The following IFT74 variants were observed in gnomAD, a reference collection of about 807,000 sequenced individuals.
IFT74 encodes intraflagellar transport 74, also known as intraflagellar transport protein 74 homolog.
IFT74 carries 92 observed loss-of-function variants against 96.7 expected under a neutral mutation model. The ratio of observed to expected loss-of-function variants is 0.95; its 90% CI spans 0.80 to 1.13. The LOEUF (loss-of-function observed/expected upper bound fraction) is 1.13, where lower values mean the gene tolerates loss of function less well. Among genes scored for constraint, IFT74 ranks in the 50% most tolerant of loss-of-function variants. The probability of loss-of-function intolerance (pLI) is 0.00; values close to 1 mark genes in which losing one functional copy is unlikely to be tolerated. For synonymous variants in IFT74, 223 were observed against 213.2 expected, an observed-to-expected ratio of 1.05 and a Z score of -0.40; for missense variants, 811 against 698.2, an observed-to-expected ratio of 1.16 and a Z score of -1.82.
intron 13 of IFT74, among the ~76,000 whole-genome samples, chr9:27,029,852 A>T (rs959921222): frequency 8.5e-5 from 13 of 152,354 alleles, no homozygotes; most frequent in African/African-American, 3.1e-4. Flanking sequence ...ATACCACACA[A>T]ATAATCCAGA....
At chr9:26,995,549 T>C in intron 8 of IFT74, 1 of 1,576,590 alleles carries the variant, frequency 6.3e-7, no homozygotes, top group Non-Finnish European at 8.7e-7. Context: ...TTCATGGATA[T>C]CTATATATTT....
At chr9:27,035,234 A>AAGTATTTTCCCGTCAGTATTTCC (rs1184059417) in intron 13 of IFT74, among the ~76,000 whole-genome samples, 5 of 152,246 alleles carry the variant, frequency 3.3e-5, no homozygotes, top group Non-Finnish European at 5.9e-5. Flanking sequence ...ATACATTAGA[A>AAGTATTTTCCCGTCAGTATTTCC]AGTATTTTCC....
chr9:26,989,390 T>C (rs1198115837), intron 7 of IFT74, among the ~76,000 whole-genome samples: 1 of 152,192 alleles, frequency 6.6e-6, no homozygotes, highest in African/African-American at 2.4e-5. Flanking sequence ...TCAATGTTCT[T>C]AGATTAATTG....
chr9:26,969,440 A>G (rs951484463), intron 2 of IFT74, among the ~76,000 whole-genome samples: 10 of 151,292 alleles, frequency 6.6e-5, no homozygotes, highest in African/African-American at 2.2e-4. Context: ...TTTTTAGCCT[A>G]TGTGTGTCTT....
chr9:27,018,602 A>G (rs764566705), intron 11 of IFT74, 45 bp from the exon 12 acceptor site: 2 of 1,070,072 alleles, frequency 1.9e-6, no homozygotes, highest in Non-Finnish European at 2.8e-6. Flanking sequence ...TAGCCTTACA[A>G]TGAGTTATTT....
At chr9:27,020,268 A>T (rs1307740915) in intron 12 of IFT74, among the ~76,000 whole-genome samples, 2 of 152,134 alleles carry the variant, frequency 1.3e-5, no homozygotes, top group African/African-American at 4.8e-5. Flanking sequence ...TATGAAATTA[A>T]ATTTTGGAAT....
At chr9:26,978,356 T>C in intron 3 of IFT74, 93 bp downstream of exon 3, 8 of 1,321,472 alleles carry the variant, frequency 6.1e-6, no homozygotes, top group Non-Finnish European at 8.3e-6. Context: ...GTTGAGTATA[T>C]TTTGAACAAT....
At chr9:26,954,563 A>T (rs974788888), upstream of IFT74, among the ~76,000 whole-genome samples, 4 of 150,912 alleles carry the variant, frequency 2.7e-5, no homozygotes, top group African/African-American at 9.8e-5. Flanking sequence ...CACTGAGGAC[A>T]TATAATGAGG....
At chr9:26,968,131 C>T (rs1180413572) in intron 2 of IFT74, among the ~76,000 whole-genome samples, 11 of 146,744 alleles carry the variant, frequency 7.5e-5, no homozygotes, top group African/African-American at 2.5e-4. Context: ...AGCATTTTCT[C>T]CTCTTCTATT....
At position 27,056,318 on chromosome 9, in the gene IFT74, A is replaced by G. The variant is rs2131704536; in HGVS notation, c.1498-16A>G. On this transcript the variant is annotated splice_polypyrimidine_tract_variant and intron_variant, in intron 17 of 19. Coordinates refer to ENST00000380062, the MANE Select transcript of IFT74 (RefSeq NM_025103.4). ...ATATTTTCTATAACCTGTCACTTCT[A>G]TTTGGATCTTTCTAGAAATTACATC... The G allele has an allele frequency of 6.5e-7, 1 of 1,534,470 alleles. No individual in the cohort carries two copies. Among genetic ancestry groups the G allele is most frequent in the Non-Finnish European group, 8.9e-7 (1 of 1,126,776 alleles).
chr9:27,011,808 C>A, intron 9 of IFT74, 98 bp from the exon 10 acceptor site: 1 of 596,312 alleles, frequency 1.7e-6, no homozygotes, highest in Non-Finnish European at 2.7e-6. Flanking sequence ...TGTTGAGAAA[C>A]AGAGAAATAA....
rs749488206 is a variant in IFT74 at position 27,047,254 on chromosome 9, T to G, written c.1109-20T>G. On this transcript the variant is annotated intron_variant, in intron 14 of 19. Coordinates refer to ENST00000380062, the MANE Select transcript of IFT74 (RefSeq NM_025103.4). ...TTAACTCTATCAGCAGTAATCTCTC[T>G]TATGTTTTCCAATTGTCAGCTTTTA... 8.1e-6 allele frequency: 12 copies of G among 1,481,038 alleles called. No homozygotes were observed. The highest frequency in any genetic ancestry group is 2.8e-6 in the Non-Finnish European group (3 of 1,061,060). 91.7% of individuals were successfully genotyped at this position (1,481,038 alleles called of 1,614,324 possible). A position where few individuals can be genotyped will look rare whatever the true frequency, so the allele number is the denominator to read the frequency against.
chr9:27,060,961 CAAAAAAAAAAAAAAAAAA>C (rs752655360), intron 19 of IFT74: 2 of 38,314 alleles, frequency 5.2e-5, no homozygotes, highest in Non-Finnish European at 8.7e-5. Context: ...GACTCCATCT[CAAAAAAAAAAAAAAAAAA>C]AAAAAAAAAA....
intron 13 of IFT74, among the ~76,000 whole-genome samples, chr9:27,038,333 G>A (rs1819299230): frequency 6.6e-6 from 1 of 152,136 alleles, no homozygotes; most frequent in Non-Finnish European, 1.5e-5. Flanking sequence ...CGCGATTTTA[G>A]CTCACTGCAA....
rs531036352 is a variant in IFT74 at position 26,991,411 on chromosome 9, G to A, written c.587+1216G>A. Among the ~76,000 whole-genome samples the A allele has an allele frequency of 5.9e-5, 9 of 152,024 alleles. No individual in the cohort carries two copies. In the East Asian group the frequency reaches 1.7e-3, roughly 29 times the overall value. The stretch of plus-strand genomic sequence containing the variant: ...AATTTTTTGTTTCTTGGGGAGACAG[G>A]GTCTTATTACGTTGCTCAGGCTAGT... On this transcript the variant is annotated intron_variant, in intron 8 of 19. Transcript: ENST00000380062.
chr9:27,021,384 T>A (rs981956996), intron 12 of IFT74, among the ~76,000 whole-genome samples: 3 of 152,202 alleles, frequency 2.0e-5, no homozygotes, highest in African/African-American at 7.2e-5. Context: ...GTAGACCTAC[T>A]TTTAGTTCTT....
At position 26,973,014 on chromosome 9, in the gene IFT74, G is replaced by T. The variant is rs576434951; in HGVS notation, c.121-5114G>T. On this transcript the variant is annotated intron_variant, in intron 2 of 19. Transcript: ENST00000380062. ...CTCGTTCTAGAATTTGACCAAAGAC[G>T]TTAGGGGAGTCTGTAAACCCTTGGG... Among the ~76,000 whole-genome samples the T allele has an allele frequency of 5.3e-5, 8 of 152,284 alleles. No homozygotes were observed. The East Asian group carries it at 1.5e-3, about 29-fold the overall frequency.
upstream of IFT74, among the ~76,000 whole-genome samples, chr9:26,954,793 A>G (rs538976620): frequency 6.6e-6 from 1 of 152,180 alleles, no homozygotes; most frequent in Admixed American, 6.6e-5. Flanking sequence ...TTAAAATTTG[A>G]CATAACCTAA....
At chr9:26,981,271 G>A (rs895807813) in intron 4 of IFT74, among the ~76,000 whole-genome samples, 1 of 151,936 alleles carries the variant, frequency 6.6e-6, no homozygotes, top group Non-Finnish European at 1.5e-5. Flanking sequence ...TTTAGAGACA[G>A]AGTCTCACTC....
Sources: allele counts gnomAD v4.1 joint callset (sites outside exome capture counted in the v4.1 genomes callset), GRCh38; gene constraint gnomAD v4.1.1; transcripts MANE v1.5; gene names NCBI Gene and HGNC (gene_info 2026-07-23, HGNC 2026-07-21).